The following FAR1 variants were observed in gnomAD, a reference collection of about 807,000 sequenced individuals.
FAR1 encodes fatty acyl-CoA reductase 1.
Under a neutral mutation model 61.1 loss-of-function variants are expected in FAR1, and 22 were observed. The observed-to-expected ratio is 0.36, with a 90% confidence interval of 0.26 to 0.51. FAR1 has a LOEUF of 0.51. Among genes scored for constraint, FAR1 ranks in the 20% least tolerant of loss-of-function variants. FAR1 has a pLI of 0.95. For synonymous variants in FAR1, 206 were observed against 209.7 expected (o/e 0.98, Z 0.15); for missense variants, 359 against 626.9 (o/e 0.57, Z 4.56).
intron 1 of FAR1, chr11:13,686,664 CTT>C (rs1233005734): frequency 1.3e-5 from 2 of 152,130 alleles, no homozygotes; most frequent in African/African-American, 4.8e-5. Context: ...CAGCTTTACA[CTT>C]TTCTGATTAT....
At chr11:13,695,990 C>T (rs559454310) in intron 2 of FAR1, among the ~76,000 whole-genome samples, 64 of 151,986 alleles carry the variant, frequency 4.2e-4, no homozygotes, top group African/African-American at 1.5e-3. Context: ...ATCATTTTTT[C>T]TCTCTGATTC....
chr11:13,728,764 TGA>T lies in FAR1; in HGVS notation c.1541_1542del (p.Arg514IlefsTer16). 6.2e-7 allele frequency: 1 copy of T among 1,611,276 alleles called. No homozygotes were observed. On this transcript the variant is annotated frameshift_variant, in exon 12 of 12. Transcript: ENST00000354817. LOFTEE classifies it high-confidence loss of function. ...TCATACTTCCGAGCATCCAGCACTA[TGA>T]GATACTGAAGACCAAGGATTCAGCA...
chr11:13,672,042 C>T (rs556053708), intron 1 of FAR1, among the ~76,000 whole-genome samples: 1 of 152,184 alleles, frequency 6.6e-6, no homozygotes, highest in African/African-American at 2.4e-5. Context: ...CTGAGAGACT[C>T]AGAACGATTG....
intron 1 of FAR1, among the ~76,000 whole-genome samples, chr11:13,670,351 C>T (rs554595411): frequency 6.6e-6 from 1 of 152,210 alleles, no homozygotes; most frequent in Non-Finnish European, 1.5e-5. Flanking sequence ...TGCAGTGACG[C>T]GATCTTGGCT....
chr11:13,672,837 CTTTG>C (rs1032838296), intron 1 of FAR1, among the ~76,000 whole-genome samples: 1 of 152,198 alleles, frequency 6.6e-6, no homozygotes, highest in Non-Finnish European at 1.5e-5. Context: ...GAGATACAGT[CTTTG>C]TTTTCCTGAA....
At chr11:13,715,784 C>T (rs1024476209) in intron 9 of FAR1, 1 of 152,068 alleles carries the variant, frequency 6.6e-6, no homozygotes, top group African/African-American at 2.4e-5. Flanking sequence ...TTTTTTTTAA[C>T]TACATTGGCA....
chr11:13,682,704 G>C (rs1848141650), intron 1 of FAR1, among the ~76,000 whole-genome samples: 1 of 152,114 alleles, frequency 6.6e-6, no homozygotes, highest in Non-Finnish European at 1.5e-5. Context: ...AACCTCCTGG[G>C]CTCAAGTGAT....
At chr11:13,679,949 A>T (rs1233774560) in intron 1 of FAR1, among the ~76,000 whole-genome samples, 1 of 152,018 alleles carries the variant, frequency 6.6e-6, no homozygotes, top group Admixed American at 6.6e-5. Flanking sequence ...GGGGGGAAGT[A>T]TTGGGGAAAA....
In FAR1 at chr11:13,714,598, TATC is replaced by T; in HGVS notation, c.1048_1050del (p.His350del). On this transcript the variant is annotated inframe_deletion, in exon 9 of 12. Coordinates refer to ENST00000354817, the MANE Select transcript of FAR1 (RefSeq NM_032228.6). Reference sequence around the variant, plus strand: ...AAATCTAACCTCCAATCATCTTTTATATCATTACTGGATTGCTGTAAGCCATAA... The same window carrying T: ...AAATCTAACCTCCAATCATCTTTTATATTACTGGATTGCTGTAAGCCATAA... 2.5e-6 allele frequency: 4 copies of T among 1,613,650 alleles called. No individual in the cohort carries two copies. The highest frequency in any genetic ancestry group is 3.4e-6 in the Non-Finnish European group (4 of 1,179,686).
chr11:13,713,095 G>A (rs2134193133), intron 8 of FAR1, 62 bp downstream of exon 8: 1 of 1,453,050 alleles, frequency 6.9e-7, no homozygotes, highest in Non-Finnish European at 9.7e-7. Context: ...GTTCCCTGAA[G>A]TTTTAATGTT....
intron 3 of FAR1, among the ~76,000 whole-genome samples, chr11:13,704,752 G>A (rs1848415333): frequency 6.6e-6 from 1 of 152,112 alleles, no homozygotes; most frequent in Non-Finnish European, 1.5e-5. Context: ...AATGGCAGTA[G>A]TAGTGATAAG....
At chr11:13,719,714 A>G (rs567051929) in intron 9 of FAR1, among the ~76,000 whole-genome samples, 1 of 152,186 alleles carries the variant, frequency 6.6e-6, no homozygotes, top group African/African-American at 2.4e-5. Context: ...AGTTATCACA[A>G]CAGGGGGAGG....
chr11:13,711,824 G>T lies in FAR1; in HGVS notation c.768+16G>T. ...CTTTATTGCGGTAAGTAAACCTTTT[G>T]ATTTATTTAATATTCTATACATTTT... is the stretch of plus-strand genomic sequence containing the variant. On this transcript the variant is annotated intron_variant, in intron 6 of 11. Coordinates refer to ENST00000354817, the MANE Select transcript of FAR1 (RefSeq NM_032228.6). The T allele has an allele frequency of 1.9e-6, 3 of 1,591,066 alleles. No individual in the cohort carries two copies. The South Asian group carries it at 3.4e-5, about 18-fold the overall frequency.
chr11:13,674,933 T>C (rs1848049885), intron 1 of FAR1, among the ~76,000 whole-genome samples: 1 of 152,150 alleles, frequency 6.6e-6, no homozygotes, highest in Admixed American at 6.6e-5. Flanking sequence ...CTTTGTATTA[T>C]GGAAAATTGA....
Position 13,695,220 on chromosome 11 carries a change from G to GGCATACTTTA in FAR1, c.189+266_189+267insGCATACTTTA, listed in dbSNP as rs529968019. ...GGTAGGTATTTAAAGTATGTTTTTA[G>GGCATACTTTA]AACATTTGAGGCAGGTTGTTTGTAA... On this transcript the variant is annotated intron_variant, in intron 2 of 11. Transcript: ENST00000354817. Among the ~76,000 whole-genome samples the GGCATACTTTA allele has an allele frequency of 1.4e-3, 220 of 152,188 alleles. 1 individual carries two copies. The highest frequency in any genetic ancestry group is 5.1e-3 in the African/African-American group (212 of 41,498).
At chr11:13,689,076 A>G (rs1013387881) in intron 1 of FAR1, among the ~76,000 whole-genome samples, 1 of 152,250 alleles carries the variant, frequency 6.6e-6, no homozygotes, top group African/African-American at 2.4e-5. Context: ...TGAGAAATCA[A>G]TCAAAATTAA....
At chr11:13,695,316 A>G (rs1247343250) in intron 2 of FAR1, among the ~76,000 whole-genome samples, 14 of 152,160 alleles carry the variant, frequency 9.2e-5, no homozygotes, top group Admixed American at 9.2e-4. Context: ...ATTCTGTAAG[A>G]CACTATGCTT....
At chr11:13,690,988 A>G (rs998058812) in intron 1 of FAR1, among the ~76,000 whole-genome samples, 2 of 152,230 alleles carry the variant, frequency 1.3e-5, no homozygotes, top group Non-Finnish European at 2.9e-5. Context: ...AGATTCACAT[A>G]ATATAAAATA....
At chr11:13,728,583 T>C in intron 11 of FAR1, 29 bp from the exon 12 acceptor site, 1 of 1,599,370 alleles carries the variant, frequency 6.3e-7, no homozygotes, top group Non-Finnish European at 8.6e-7. Flanking sequence ...GAAAATACTG[T>C]CTAACATATC....
Sources: allele counts gnomAD v4.1 joint callset (sites outside exome capture counted in the v4.1 genomes callset), GRCh38; gene constraint gnomAD v4.1.1; transcripts MANE v1.5; gene names NCBI Gene and HGNC (gene_info 2026-07-23, HGNC 2026-07-21).